Variants in MEGF11 observed in about 807,000 individuals in gnomAD.
MEGF11 encodes multiple EGF like domains 11.
Under a neutral mutation model 146.6 loss-of-function variants are expected in MEGF11, and 126 were observed. The observed-to-expected ratio is 0.86, with a 90% CI of 0.74 to 1.00. The LOEUF is 1.00. Among genes scored for constraint, MEGF11 ranks in the 50% least tolerant of loss-of-function variants. The pLI, the probability that MEGF11 is intolerant of heterozygous loss-of-function variation, is 0.00. For synonymous variants in MEGF11, 532 were observed against 583.4 expected, an observed-to-expected ratio of 0.91 and a Z score of 1.27; for missense variants, 1,509 against 1,521.2, an observed-to-expected ratio of 0.99 and a Z score of 0.13.
At chr15:66,224,275 A>C (rs1028394447) in intron 1 of MEGF11, among the ~76,000 whole-genome samples, 27 of 152,136 alleles carry the variant, frequency 1.8e-4, no homozygotes, top group Non-Finnish European at 3.1e-4. Flanking sequence ...AAAAGGAATT[A>C]ATGCATATAA....
intron 8 of MEGF11, among the ~76,000 whole-genome samples, chr15:65,965,609 TTTTC>T (rs1453351413): frequency 0.021 from 1,696 of 80,098 alleles, 61 homozygotes; most frequent in East Asian, 0.026. Context: ...TCTTTTTTTT[TTTTC>T]TTTTTTTTTT....
chr15:66,075,432 C>T (rs7181894), intron 5 of MEGF11, among the ~76,000 whole-genome samples: 1 of 152,172 alleles, frequency 6.6e-6, no homozygotes, highest in Non-Finnish European at 1.5e-5. Context: ...GGAAGGATTT[C>T]CTGAAGGATG....
chr15:66,167,658 A>AAAAC (rs146994991), intron 1 of MEGF11, among the ~76,000 whole-genome samples: 41 of 151,196 alleles, frequency 2.7e-4, no homozygotes, highest in South Asian at 8.4e-4. Flanking sequence ...ACAAACAAAC[A>AAAAC]AAACAAACAA....
chr15:66,011,941 A>G lies in MEGF11; in HGVS notation c.395-29453T>C, dbSNP rs371256366. Among the ~76,000 whole-genome samples the G allele has an allele frequency of 9.8e-5, 15 of 152,320 alleles. No individual in the cohort carries two copies. In the East Asian group the frequency reaches 2.5e-3, roughly 26 times the overall value. ...ATGGTAAGATGATGTATGCATGTGC[A>G]TAAAGAACGCAAAATAGGGCTGGAT... On this transcript the variant is annotated intron_variant, in intron 5 of 25. Coordinates refer to ENST00000395614, the MANE Select transcript of MEGF11 (RefSeq NM_001385028.1).
chr15:66,247,298 T>G (rs1347205679), intron 1 of MEGF11, among the ~76,000 whole-genome samples: 2 of 152,222 alleles, frequency 1.3e-5, no homozygotes, highest in African/African-American at 4.8e-5. Flanking sequence ...ATTAGATGAT[T>G]ATAAATTCTT....
At chr15:66,094,797 G>A (rs932192438) in intron 4 of MEGF11, among the ~76,000 whole-genome samples, 3 of 152,092 alleles carry the variant, frequency 2.0e-5, no homozygotes, top group Non-Finnish European at 4.4e-5. Flanking sequence ...AACAGAGACC[G>A]CCGCAAACCT....
intron 1 of MEGF11, among the ~76,000 whole-genome samples, chr15:66,160,406 T>C (rs1483899723): frequency 6.6e-6 from 1 of 152,114 alleles, no homozygotes; most frequent in Non-Finnish European, 1.5e-5. Context: ...AGTTCCCCAG[T>C]GACACCGTGG....
intron 22 of MEGF11, 87 bp downstream of exon 22, chr15:65,909,653 C>T: frequency 7.5e-7 from 1 of 1,327,972 alleles, no homozygotes; most frequent in East Asian, 2.5e-5. Context: ...ACTCATAACC[C>T]TGTCCCTTCA....
chr15:66,058,563 GT>G (rs2084773488), intron 5 of MEGF11, among the ~76,000 whole-genome samples: 1 of 152,130 alleles, frequency 6.6e-6, no homozygotes, highest in African/African-American at 2.4e-5. Context: ...TGGGGAACAG[GT>G]TTCAGGGCTG....
At chr15:65,959,476 A>C (rs2080780703) in intron 9 of MEGF11, among the ~76,000 whole-genome samples, 1 of 152,224 alleles carries the variant, frequency 6.6e-6, no homozygotes, top group Non-Finnish European at 1.5e-5. Context: ...CCATCAAAAC[A>C]GTGAAGATGC....
At chr15:66,106,545 C>G (rs1045639496) in intron 4 of MEGF11, among the ~76,000 whole-genome samples, 1 of 152,204 alleles carries the variant, frequency 6.6e-6, no homozygotes, top group Non-Finnish European at 1.5e-5. Context: ...ACTATTTCTA[C>G]CCTTGTTTAC....
intron 5 of MEGF11, among the ~76,000 whole-genome samples, chr15:66,089,840 T>A (rs1425927731): frequency 6.6e-6 from 1 of 152,240 alleles, no homozygotes; most frequent in Non-Finnish European, 1.5e-5. Context: ...ACTTTCTTCC[T>A]TTTTATCTCC....
intron 8 of MEGF11, among the ~76,000 whole-genome samples, chr15:65,967,833 G>A (rs921458224): frequency 2.0e-5 from 3 of 152,166 alleles, no homozygotes; most frequent in African/African-American, 7.2e-5. Context: ...TGGCAGAATA[G>A]TGGGGCAGCA....
chr15:66,158,149 T>A (rs2089831320), intron 1 of MEGF11, among the ~76,000 whole-genome samples: 1 of 152,104 alleles, frequency 6.6e-6, no homozygotes, highest in South Asian at 2.1e-4. Flanking sequence ...TAAAAAAAAA[T>A]TGCTGGAAAA....
intron 1 of MEGF11, among the ~76,000 whole-genome samples, chr15:66,159,933 T>C (rs985159451): frequency 1.3e-5 from 2 of 152,120 alleles, no homozygotes; most frequent in Non-Finnish European, 2.9e-5. Flanking sequence ...ATGATTCTTC[T>C]AGATCAGGAA....
intron 1 of MEGF11, among the ~76,000 whole-genome samples, chr15:66,201,011 A>C (rs913589998): frequency 1.3e-5 from 2 of 151,880 alleles, no homozygotes; most frequent in Non-Finnish European, 2.9e-5. Context: ...CTGCATGTAC[A>C]CCCCATTCAG....
intron 1 of MEGF11, among the ~76,000 whole-genome samples, chr15:66,133,208 A>G (rs1287123267): frequency 3.5e-5 from 5 of 142,302 alleles, no homozygotes; most frequent in African/African-American, 6.2e-5. Flanking sequence ...AGAGCAATTC[A>G]AAGACTCCTG....
intron 5 of MEGF11, among the ~76,000 whole-genome samples, chr15:65,991,988 G>A (rs1469913954): frequency 6.6e-6 from 1 of 152,262 alleles, no homozygotes; most frequent in Non-Finnish European, 1.5e-5. Context: ...ACGGGGTGAT[G>A]AGAGGAGCTC....
intron 5 of MEGF11, among the ~76,000 whole-genome samples, chr15:66,023,151 A>AAAAAAAAG (rs768042311): frequency 6.7e-6 from 1 of 150,116 alleles, no homozygotes; most frequent in African/African-American, 2.5e-5. Context: ...AAAAAAAAAA[A>AAAAAAAAG]AAAACAAACT....
Sources: allele counts gnomAD v4.1 joint callset (sites outside exome capture counted in the v4.1 genomes callset), GRCh38; gene constraint gnomAD v4.1.1; transcripts MANE v1.5; gene names NCBI Gene and HGNC (gene_info 2026-07-23, HGNC 2026-07-21).